LINGO2: variants seen among roughly 807,000 people sequenced by gnomAD.
LINGO2 encodes the protein leucine-rich repeat and immunoglobulin-like domain-containing nogo receptor-interacting protein 2.
Under a neutral mutation model 30.6 loss-of-function variants are expected in LINGO2, and 14 were observed. The observed-to-expected ratio is 0.46, with a 90% CI of 0.30 to 0.72. The LOEUF is 0.72. LINGO2 is among the 30% of genes least tolerant of loss of function. The probability of loss-of-function intolerance (pLI) is 0.07; values close to 1 mark genes in which losing one functional copy is unlikely to be tolerated. For missense variants in LINGO2, 729 were observed against 751.7 expected (o/e 0.97, Z 0.35); for synonymous variants, 317 against 288.5 (o/e 1.10, Z -1.00).
chr9:28,549,529 T>A (rs1171072819), intron 1 of LINGO2, among the ~76,000 whole-genome samples: 1 of 152,032 alleles, frequency 6.6e-6, no homozygotes, highest in African/African-American at 2.4e-5. Context: ...ATGCTTTTAC[T>A]AGATATTTTC....
intron 4 of LINGO2, among the ~76,000 whole-genome samples, chr9:28,081,849 T>C (rs370836985): frequency 6.6e-6 from 1 of 152,112 alleles, no homozygotes; most frequent in Admixed American, 6.5e-5. Flanking sequence ...CTAAAGTAAA[T>C]GGCCTTTTTC....
intron 5 of LINGO2, among the ~76,000 whole-genome samples, chr9:28,002,518 T>G (rs560756086): frequency 6.6e-6 from 1 of 152,336 alleles, no homozygotes; most frequent in South Asian, 2.1e-4. Context: ...TCTGTTTATA[T>G]TCTTATATAT....
At chr9:28,441,445 A>C (rs939774153) in intron 2 of LINGO2, among the ~76,000 whole-genome samples, 17 of 151,818 alleles carry the variant, frequency 1.1e-4, no homozygotes, top group Non-Finnish European at 2.2e-4. Context: ...ACTTTAGCCC[A>C]TACTTCATGT....
the LINGO2 span, among the ~76,000 whole-genome samples, chr9:28,782,248 G>C: frequency 1.8e-4 from 27 of 152,182 alleles, no homozygotes; most frequent in Non-Finnish European, 3.8e-4. Context: ...AAATAAATGA[G>C]AAAGCAGAAA....
At chr9:28,139,223 G>T (rs1254859619) in intron 4 of LINGO2, among the ~76,000 whole-genome samples, 1 of 151,686 alleles carries the variant, frequency 6.6e-6, no homozygotes, top group Non-Finnish European at 1.5e-5. Context: ...AAAGTCACCA[G>T]AGACATAACC....
the LINGO2 span, among the ~76,000 whole-genome samples, chr9:28,868,061 A>G: frequency 1.3e-5 from 2 of 152,120 alleles, no homozygotes; most frequent in Non-Finnish European, 2.9e-5. Flanking sequence ...ATAATATCTC[A>G]ATTACAAATC....
intron 3 of LINGO2, among the ~76,000 whole-genome samples, chr9:28,352,537 G>T (rs1407423323): frequency 7.4e-6 from 1 of 135,012 alleles, no homozygotes; most frequent in South Asian, 2.6e-4. Context: ...CCATGCTCAT[G>T]GGTAGGAAGA....
chr9:28,083,418 TG>T (rs1825826803), intron 4 of LINGO2, among the ~76,000 whole-genome samples: 1 of 152,102 alleles, frequency 6.6e-6, no homozygotes, highest in Non-Finnish European at 1.5e-5. Context: ...CTCTCCTGAG[TG>T]GTTAGATTAT....
intron 4 of LINGO2, among the ~76,000 whole-genome samples, chr9:28,085,233 C>T (rs974692096): frequency 2.6e-5 from 4 of 152,026 alleles, no homozygotes; most frequent in African/African-American, 9.7e-5. Flanking sequence ...AATTTGATTG[C>T]ATTGAGACAT....
At chr9:28,627,804 G>C (rs1352492570) in intron 1 of LINGO2, among the ~76,000 whole-genome samples, 3 of 151,824 alleles carry the variant, frequency 2.0e-5, no homozygotes, top group African/African-American at 4.8e-5. Context: ...TAATCCATTG[G>C]TCATTCTGCA....
chr9:28,850,832 G>A, the LINGO2 span, among the ~76,000 whole-genome samples: 1 of 152,002 alleles, frequency 6.6e-6, no homozygotes, highest in Non-Finnish European at 1.5e-5. Flanking sequence ...TGTGAGAAGA[G>A]AGGAACACTG....
intron 2 of LINGO2, among the ~76,000 whole-genome samples, chr9:28,377,922 T>C (rs1479153540): frequency 6.6e-6 from 1 of 152,210 alleles, no homozygotes; most frequent in African/African-American, 2.4e-5. Flanking sequence ...AGTTACCTAA[T>C]TCTATGCAGT....
the LINGO2 span, among the ~76,000 whole-genome samples, chr9:28,815,619 T>G: frequency 6.6e-6 from 1 of 152,182 alleles, no homozygotes; most frequent in Middle Eastern, 3.2e-3. Context: ...CTTTTACTAT[T>G]TCTTCTTAAA....
the LINGO2 span, among the ~76,000 whole-genome samples, chr9:28,719,489 T>A: frequency 1.8e-4 from 27 of 152,154 alleles, no homozygotes; most frequent in Non-Finnish European, 3.4e-4. Context: ...AAAAGTCTGG[T>A]GGGCATCATC....
chr9:27,973,992 C>T lies in LINGO2; in HGVS notation c.-35-23286G>A, dbSNP rs183781129. On this transcript the variant is annotated intron_variant, in intron 5 of 5. Coordinates refer to ENST00000379992, the Ensembl canonical transcript of LINGO2. ...CCCTTTTCTCTTCTACTCAAGAGTA[C>T]AAATGGACTCAAGAGTAAGTAAAAA... 2.1e-3 allele frequency among the ~76,000 whole-genome samples: 320 copies of T among 152,182 alleles called. 2 individuals carry two copies. Among genetic ancestry groups the T allele is most frequent in the African/African-American group, 5.7e-3 (238 of 41,526 alleles).
chr9:29,127,726 A>G, the LINGO2 span, among the ~76,000 whole-genome samples: 1 of 152,046 alleles, frequency 6.6e-6, no homozygotes, highest in African/African-American at 2.4e-5. Flanking sequence ...CCACAAAGTG[A>G]ATGAGGACAA....
chr9:28,532,673 A>G (rs1366568104), intron 1 of LINGO2, among the ~76,000 whole-genome samples: 1 of 152,100 alleles, frequency 6.6e-6, no homozygotes, highest in Non-Finnish European at 1.5e-5. Flanking sequence ...ATTCTCCTCT[A>G]GACTTCCAAG....
At chr9:28,949,643 A>C in the LINGO2 span, among the ~76,000 whole-genome samples, 1 of 152,176 alleles carries the variant, frequency 6.6e-6, no homozygotes, top group Non-Finnish European at 1.5e-5. Flanking sequence ...AAAAAAGCCC[A>C]GGACCAGATG....
intron 5 of LINGO2, among the ~76,000 whole-genome samples, chr9:27,999,435 TCAGAGAGA>T (rs746873909): frequency 1.2e-4 from 12 of 102,924 alleles, no homozygotes; most frequent in Admixed American, 2.7e-4. Flanking sequence ...TGCCTAATCT[TCAGAGAGA>T]GAGAGAGAGA....
Sources: allele counts gnomAD v4.1 joint callset (sites outside exome capture counted in the v4.1 genomes callset), GRCh38; gene constraint gnomAD v4.1.1; transcripts MANE v1.5; gene names NCBI Gene and HGNC (gene_info 2026-07-23, HGNC 2026-07-21).